AMPH: variants seen among roughly 807,000 people sequenced by gnomAD.
The protein encoded by AMPH is amphiphysin, also known as amphiphysin (Stiff-Mann syndrome with breast cancer 128kD autoantigen).
In AMPH, 49 loss-of-function variants were observed where a neutral mutation model predicts 99.1. The ratio of observed to expected loss-of-function variants is 0.49; its 90% CI spans 0.39 to 0.63. The LOEUF is 0.63. Among genes scored for constraint, AMPH ranks in the 20% least tolerant of loss-of-function variants. AMPH has a pLI of 0.00. For synonymous variants in AMPH, 314 were observed against 317.3 expected, an observed-to-expected ratio of 0.99 and a Z score of 0.11; for missense variants, 759 against 863.4, an observed-to-expected ratio of 0.88 and a Z score of 1.52.
At chr7:38,437,625 C>CAAAAAAAA (rs70977404) in intron 11 of AMPH, among the ~76,000 whole-genome samples, 71 of 94,714 alleles carry the variant, frequency 7.5e-4, no homozygotes, top group Non-Finnish European at 1.1e-3. Flanking sequence ...ACTAAAAATA[C>CAAAAAAAA]AAAAAAAAAA....
intron 16 of AMPH, among the ~76,000 whole-genome samples, chr7:38,419,768 A>G (rs6462836): frequency 0.7 from 107,023 of 152,076 alleles, 37,936 homozygotes; most frequent in East Asian, 0.94. Flanking sequence ...TTCACTGCAA[A>G]CTGAGTCTAC....
At chr7:38,423,788 G>A (rs540866019) in intron 15 of AMPH, among the ~76,000 whole-genome samples, 10 of 152,090 alleles carry the variant, frequency 6.6e-5, no homozygotes, top group Non-Finnish European at 1.2e-4. Flanking sequence ...AACAACAGAA[G>A]AATAGTAAAA....
At chr7:38,624,548 A>T (rs1331015525) in intron 1 of AMPH, among the ~76,000 whole-genome samples, 1 of 117,694 alleles carries the variant, frequency 8.5e-6, no homozygotes, top group Non-Finnish European at 2.0e-5. Context: ...AGTCATGGTA[A>T]AAAAAAAAAA....
intron 1 of AMPH, among the ~76,000 whole-genome samples, chr7:38,567,427 A>G (rs1185642646): frequency 6.6e-6 from 1 of 152,180 alleles, no homozygotes; most frequent in Non-Finnish European, 1.5e-5. Flanking sequence ...TAGGAGAAAT[A>G]CCTAATATAA....
chr7:38,393,874 G>A, intron 18 of AMPH, 131 bp downstream of exon 18: 1 of 786,728 alleles, frequency 1.3e-6, no homozygotes, highest in African/African-American at 1.7e-5. Context: ...TAATAATGTT[G>A]TTTGGTGGAG....
chr7:38,467,058 TACAAATAC>T (rs1202003992), intron 7 of AMPH, among the ~76,000 whole-genome samples: 4 of 152,216 alleles, frequency 2.6e-5, no homozygotes, highest in Non-Finnish European at 5.9e-5. Flanking sequence ...TTCATATGCA[TACAAATAC>T]ACATGCATAT....
chr7:38,579,711 C>T (rs1792375654), intron 1 of AMPH, among the ~76,000 whole-genome samples: 1 of 152,144 alleles, frequency 6.6e-6, no homozygotes, highest in Non-Finnish European at 1.5e-5. Flanking sequence ...TGTTGTACTC[C>T]CAGAATAATT....
chr7:38,442,057 C>T (rs117279155), intron 11 of AMPH, among the ~76,000 whole-genome samples: 1,727 of 151,604 alleles, frequency 0.011, 25 homozygotes, highest in Middle Eastern at 0.021. Context: ...GTTGAGAACA[C>T]ATGGACACAT....
At chr7:38,480,787 G>T (rs1303223839) in intron 5 of AMPH, among the ~76,000 whole-genome samples, 1 of 152,100 alleles carries the variant, frequency 6.6e-6, no homozygotes, top group East Asian at 1.9e-4. Context: ...TACCTTCAAA[G>T]GAGGCTATCC....
At chr7:38,576,344 C>A (rs1333501370) in intron 1 of AMPH, among the ~76,000 whole-genome samples, 1 of 152,182 alleles carries the variant, frequency 6.6e-6, no homozygotes, top group Admixed American at 6.5e-5. Flanking sequence ...ATCCCCAGGG[C>A]AGAAGTAATA....
At chr7:38,568,077 G>T (rs964689467) in intron 1 of AMPH, among the ~76,000 whole-genome samples, 4 of 151,912 alleles carry the variant, frequency 2.6e-5, no homozygotes, top group Non-Finnish European at 4.4e-5. Context: ...GTGTCTTCAC[G>T]CTCCCCAAGC....
chr7:38,616,241 C>T lies in AMPH; in HGVS notation c.69+15042G>A, dbSNP rs73366809. ...ACAGTTCATGAGAGAAACGTCCCTA[C>T]GATTATGTGTGAAATATATAAAGAT... On this transcript the variant is annotated intron_variant, in intron 1 of 20. Transcript: ENST00000356264. 7.3e-3 allele frequency among the ~76,000 whole-genome samples: 1,116 copies of T among 151,982 alleles called. 19 individuals carry two copies. Among genetic ancestry groups the T allele is most frequent in the African/African-American group, 0.026 (1,059 of 41,300 alleles).
intron 5 of AMPH, among the ~76,000 whole-genome samples, chr7:38,490,307 C>G (rs945627898): frequency 6.6e-6 from 1 of 152,146 alleles, no homozygotes; most frequent in African/African-American, 2.4e-5. Context: ...TGGATTTGCT[C>G]TATGTGGCAT....
chr7:38,436,154 C>A, intron 12 of AMPH, 118 bp downstream of exon 12: 1 of 738,004 alleles, frequency 1.4e-6, no homozygotes, highest in Non-Finnish European at 2.3e-6. Flanking sequence ...TAGGAAATAT[C>A]TGTCAACCAA....
At chr7:38,588,072 C>G (rs936119500) in intron 1 of AMPH, among the ~76,000 whole-genome samples, 4 of 151,934 alleles carry the variant, frequency 2.6e-5, no homozygotes, top group Non-Finnish European at 5.9e-5. Flanking sequence ...CCACCTCTGC[C>G]TCCCAAGTAG....
At chr7:38,389,504 A>C (rs1311078023) in intron 20 of AMPH, among the ~76,000 whole-genome samples, 3 of 152,184 alleles carry the variant, frequency 2.0e-5, no homozygotes, top group African/African-American at 7.2e-5. Context: ...CTTTTAGTTC[A>C]CATTCATAGT....
chr7:38,490,387 T>G (rs1458728327), intron 5 of AMPH, among the ~76,000 whole-genome samples: 1 of 152,132 alleles, frequency 6.6e-6, no homozygotes, highest in Non-Finnish European at 1.5e-5. Flanking sequence ...ACCCTGATAG[T>G]TTAAAAGCCA....
intron 1 of AMPH, among the ~76,000 whole-genome samples, chr7:38,616,569 C>T (rs185373053): frequency 2.5e-4 from 38 of 152,202 alleles, no homozygotes; most frequent in Admixed American, 2.4e-3. Flanking sequence ...TCACCATAGC[C>T]TAATACTGGA....
intron 5 of AMPH, among the ~76,000 whole-genome samples, chr7:38,489,175 C>G (rs764848328): frequency 1.1e-4 from 17 of 152,058 alleles, no homozygotes; most frequent in Non-Finnish European, 2.2e-4. Flanking sequence ...ATATAAAGCC[C>G]AGAAGTAAAT....
Sources: allele counts gnomAD v4.1 joint callset (sites outside exome capture counted in the v4.1 genomes callset), GRCh38; gene constraint gnomAD v4.1.1; transcripts MANE v1.5; gene names NCBI Gene and HGNC (gene_info 2026-07-23, HGNC 2026-07-21).